Variants in PDE8B observed in about 807,000 individuals in gnomAD.
PDE8B encodes high affinity cAMP-specific and IBMX-insensitive 3',5'-cyclic phosphodiesterase 8B.
Under a neutral mutation model 101.3 loss-of-function variants are expected in PDE8B, and 26 were observed. The observed-to-expected ratio is 0.26, with a 90% CI of 0.19 to 0.36. The LOEUF (loss-of-function observed/expected upper bound fraction) is 0.36. Among genes scored for constraint, PDE8B ranks in the 10% least tolerant of loss-of-function variants. The pLI is 1.00. For missense variants in PDE8B, 810 were observed against 1,163.1 expected (o/e 0.70, Z 4.42); for synonymous variants, 424 against 429.3 (o/e 0.99, Z 0.15).
chr5:77,110,264 G>C, the PDE8B span, among the ~76,000 whole-genome samples: 7 of 151,902 alleles, frequency 4.6e-5, no homozygotes, highest in Non-Finnish European at 1.0e-4. Flanking sequence ...TTATTAAATG[G>C]CCAGCGCTTT....
the PDE8B span, among the ~76,000 whole-genome samples, chr5:77,202,271 A>G: frequency 6.6e-6 from 1 of 152,170 alleles, no homozygotes; most frequent in Non-Finnish European, 1.5e-5. Flanking sequence ...AACTGGATTC[A>G]TTTCAGTAAA....
chr5:77,335,180 C>T (rs1397575715), intron 5 of PDE8B, among the ~76,000 whole-genome samples: 3 of 152,088 alleles, frequency 2.0e-5, no homozygotes, highest in African/African-American at 7.2e-5. Flanking sequence ...AAAACAGTGT[C>T]GTGATATACA....
intron 17 of PDE8B, among the ~76,000 whole-genome samples, chr5:77,414,933 C>T (rs1795237544): frequency 6.6e-6 from 1 of 152,164 alleles, no homozygotes; most frequent in Non-Finnish European, 1.5e-5. Flanking sequence ...TGCTTAGTAA[C>T]TTGATCATAT....
intron 1 of PDE8B, among the ~76,000 whole-genome samples, chr5:77,286,111 T>C (rs1236768321): frequency 2.6e-5 from 4 of 152,220 alleles, no homozygotes; most frequent in Non-Finnish European, 1.5e-5. Context: ...TGGGATTGTA[T>C]CATGGGCATT....
intron 1 of PDE8B, among the ~76,000 whole-genome samples, chr5:77,259,773 G>A (rs1412501444): frequency 1.3e-5 from 2 of 152,244 alleles, no homozygotes; most frequent in Non-Finnish European, 2.9e-5. Context: ...ATCCTGGCAA[G>A]TTCTTTCTAG....
At chr5:77,412,319 G>GT in intron 16 of PDE8B, 84 bp downstream of exon 16, 1 of 1,452,082 alleles carries the variant, frequency 6.9e-7, no homozygotes, top group Non-Finnish European at 9.6e-7. Flanking sequence ...AGGGAGACAT[G>GT]TTTTTGCTGT....
At chr5:77,199,537 C>T in the PDE8B span, among the ~76,000 whole-genome samples, 5 of 152,172 alleles carry the variant, frequency 3.3e-5, no homozygotes, top group East Asian at 1.9e-4. Flanking sequence ...TCAGATCCCC[C>T]GTTATGAAGG....
At chr5:77,371,769 T>A (rs138211909) in intron 10 of PDE8B, among the ~76,000 whole-genome samples, 120 of 152,336 alleles carry the variant, frequency 7.9e-4, no homozygotes, top group African/African-American at 2.8e-3. Context: ...TCAGCAATGT[T>A]AAGTAGTTTT....
rs562233386 is a variant in PDE8B, at chr5:77,223,143, C to T, written c.339+11879C>T. ...ATAAGCAGGTAAATTAATTTTAGTA[C>T]ATGTTCACTTAACCAGTATATTAAA... On this transcript the variant is annotated intron_variant, in intron 1 of 21. Transcript: ENST00000264917. Among the ~76,000 whole-genome samples, 6 of 152,230 alleles carry T rather than the reference C, an allele frequency of 3.9e-5. No homozygotes were observed. The South Asian group carries it at 1.0e-3, about 26-fold the overall frequency.
At chr5:77,164,195 A>G in the PDE8B span, among the ~76,000 whole-genome samples, 3 of 152,196 alleles carry the variant, frequency 2.0e-5, no homozygotes, top group African/African-American at 7.2e-5. Flanking sequence ...TTAAAAACCA[A>G]TTGGCATTGT....
At chr5:77,294,328 C>T (rs1768045107) in intron 1 of PDE8B, among the ~76,000 whole-genome samples, 1 of 152,078 alleles carries the variant, frequency 6.6e-6, no homozygotes, top group Admixed American at 6.5e-5. Flanking sequence ...GGGCTGGGGA[C>T]CCAGAAACTT....
the PDE8B span, among the ~76,000 whole-genome samples, chr5:77,174,350 AT>A: frequency 6.6e-6 from 1 of 152,168 alleles, no homozygotes; most frequent in African/African-American, 2.4e-5. Context: ...ATCCATGTAT[AT>A]GATCCCTTAC....
chr5:77,210,514 G>A, upstream of PDE8B: 2 of 553,072 alleles, frequency 3.6e-6, no homozygotes, highest in South Asian at 7.3e-5. The surrounding 1 kb of genome is among the most constrained non-coding windows in gnomAD (Gnocchi z 4.9). Flanking sequence ...AGGCGGGCAG[G>A]CGGGCGGGCG....
intron 1 of PDE8B, among the ~76,000 whole-genome samples, chr5:77,274,927 T>G (rs888833434): frequency 6.6e-6 from 1 of 152,066 alleles, no homozygotes; most frequent in Non-Finnish European, 1.5e-5. Flanking sequence ...AAAGAGATTT[T>G]GTTGACAGCC....
At chr5:77,138,326 T>G in the PDE8B span, among the ~76,000 whole-genome samples, 1 of 152,160 alleles carries the variant, frequency 6.6e-6, no homozygotes, top group Non-Finnish European at 1.5e-5. Context: ...ATGGATTAAA[T>G]TTTTGGGACA....
At chr5:77,325,460 C>A in intron 2 of PDE8B, 79 bp from the exon 3 acceptor site, 1 of 1,304,846 alleles carries the variant, frequency 7.7e-7, no homozygotes, top group Non-Finnish European at 1.1e-6. Context: ...TGAGCCACTG[C>A]GCCTGGCCAC....
chr5:77,285,028 C>T (rs900059585), intron 1 of PDE8B, among the ~76,000 whole-genome samples: 1 of 152,166 alleles, frequency 6.6e-6, no homozygotes, highest in African/African-American at 2.4e-5. Context: ...GCCCCACTGT[C>T]CCAGCTTATG....
intron 10 of PDE8B, among the ~76,000 whole-genome samples, chr5:77,365,745 C>G (rs1581261111): frequency 6.6e-6 from 1 of 152,188 alleles, no homozygotes; most frequent in East Asian, 1.9e-4. Flanking sequence ...GAAGTCTGAC[C>G]TGGGCAAAGC....
At chr5:77,242,008 G>A (rs796960092) in intron 1 of PDE8B, among the ~76,000 whole-genome samples, 4 of 152,276 alleles carry the variant, frequency 2.6e-5, no homozygotes, top group South Asian at 2.1e-4. Context: ...GGTGTATGCC[G>A]ATGAGCCTCC....
Sources: allele counts gnomAD v4.1 joint callset (sites outside exome capture counted in the v4.1 genomes callset), GRCh38; gene constraint gnomAD v4.1.1; non-coding constraint Gnocchi (gnomAD v3.1); transcripts MANE v1.5; gene names NCBI Gene and HGNC (gene_info 2026-07-23, HGNC 2026-07-21).